Variants in PFKFB4 observed in about 807,000 individuals in gnomAD.
PFKFB4 encodes the protein 6-phosphofructo-2-kinase/fructose-2,6-biphosphatase 4.
Under a neutral mutation model 62.8 loss-of-function variants are expected in PFKFB4, and 42 were observed. The ratio of observed to expected loss-of-function variants is 0.67; its 90% CI spans 0.52 to 0.86. The LOEUF is 0.86. Among genes scored for constraint, PFKFB4 ranks in the 40% least tolerant of loss-of-function variants. The probability of loss-of-function intolerance (pLI) is 0.00; values close to 1 mark genes in which losing one functional copy is unlikely to be tolerated. For synonymous variants in PFKFB4, 204 were observed against 240.7 expected, an observed-to-expected ratio of 0.85 and a Z score of 1.41; for missense variants, 475 against 627.2, an observed-to-expected ratio of 0.76 and a Z score of 2.59.
At chr3:48,539,128 A>G in intron 6 of PFKFB4, 126 bp downstream of exon 6, 1 of 761,156 alleles carries the variant, frequency 1.3e-6, no homozygotes, top group African/African-American at 1.7e-5. Flanking sequence ...TACCTGACCC[A>G]GCATTTGAAG....
intron 9 of PFKFB4, among the ~76,000 whole-genome samples, chr3:48,531,183 C>G (rs1003429434): frequency 6.6e-6 from 1 of 151,854 alleles, no homozygotes; most frequent in Non-Finnish European, 1.5e-5. Flanking sequence ...CTGGGCAACA[C>G]AGCAAGACCA....
intron 3 of PFKFB4, 118 bp from the exon 4 acceptor site, chr3:48,543,764 C>A: frequency 1.3e-6 from 1 of 757,282 alleles, no homozygotes; most frequent in South Asian, 1.5e-5. Context: ...AGGTCTCTTG[C>A]TCTCTTTTCA....
At chr3:48,530,434 A>G (rs1335287366) in intron 9 of PFKFB4, among the ~76,000 whole-genome samples, 1 of 152,200 alleles carries the variant, frequency 6.6e-6, no homozygotes, top group Non-Finnish European at 1.5e-5. Flanking sequence ...GTATATTTCA[A>G]TTATGTGCAT....
upstream of PFKFB4, chr3:48,556,874 T>C: frequency 6.8e-7 from 1 of 1,467,668 alleles, no homozygotes; most frequent in Non-Finnish European, 9.0e-7. The surrounding 1 kb of genome is among the most constrained non-coding windows in gnomAD (Gnocchi z 5.7). Context: ...CCGCCCCTCC[T>C]CAAGCCGCGA....
chr3:48,538,455 G>A (rs745802862), intron 7 of PFKFB4, 43 bp downstream of exon 7: 21 of 1,604,910 alleles, frequency 1.3e-5, no homozygotes, highest in Middle Eastern at 1.6e-4. Context: ...GACCCCTGCC[G>A]CCCACCATCA....
upstream of PFKFB4, chr3:48,559,751 G>T: frequency 2.5e-6 from 1 of 395,902 alleles, no homozygotes; most frequent in Non-Finnish European, 5.2e-6. Context: ...ACCCTGGTTG[G>T]CTCCCAGGGT....
chr3:48,538,580 T>C lies in PFKFB4; in HGVS notation c.550A>G (p.Ser184Gly). ...ATGAAGTCCTCCGTAGCCTCATCAC[T>C]GTCGCGGTTGACATAGTCAGGGCTG... ...LGSPDYVNRD[S>G]DEATEDFMRR... is the part of the protein sequence containing the mutation. Residue 184 changes from serine to glycine, a missense_variant, in exon 7 of 14, where the codon AGT becomes GGT. By Grantham distance (56) the Ser-to-Gly change is moderately conservative (BLOSUM62 0). Coordinates refer to ENST00000232375, the MANE Select transcript of PFKFB4 (RefSeq NM_004567.4). The C allele has an allele frequency of 6.2e-7, 1 of 1,614,200 alleles. No homozygotes were observed. Among genetic ancestry groups the C allele is most frequent in the Non-Finnish European group, 8.5e-7 (1 of 1,180,036 alleles).
intron 4 of PFKFB4, among the ~76,000 whole-genome samples, chr3:48,541,376 G>A (rs544076853): frequency 1.3e-5 from 2 of 152,076 alleles, no homozygotes; most frequent in Admixed American, 6.5e-5. Flanking sequence ...TGATCCACCC[G>A]CCTCAGCCTC....
At chr3:48,558,094 A>G (rs1474899537), upstream of PFKFB4, among the ~76,000 whole-genome samples, 1 of 152,204 alleles carries the variant, frequency 6.6e-6, no homozygotes, top group Non-Finnish European at 1.5e-5. Context: ...AATTCATTTT[A>G]AAATACGTTA....
At chr3:48,562,051 C>T (rs2043439674), upstream of PFKFB4, 1 of 152,382 alleles carries the variant, frequency 6.6e-6, no homozygotes, top group East Asian at 1.9e-4. The surrounding 1 kb of genome is among the most constrained non-coding windows in gnomAD (Gnocchi z 4.3). Flanking sequence ...GACAAGCACC[C>T]ACTCCTCTCA....
At chr3:48,528,470 T>C (rs2042332697) in intron 9 of PFKFB4, among the ~76,000 whole-genome samples, 1 of 152,174 alleles carries the variant, frequency 6.6e-6, no homozygotes, top group Admixed American at 6.6e-5. Context: ...GAGACCAGCC[T>C]GGGCAACATG....
upstream of PFKFB4, among the ~76,000 whole-genome samples, chr3:48,560,803 C>T (rs757906349): frequency 2.0e-4 from 30 of 152,206 alleles, no homozygotes; most frequent in Non-Finnish European, 3.4e-4. Context: ...GCCTGGGCAG[C>T]GCCAGCTGGC....
upstream of PFKFB4, among the ~76,000 whole-genome samples, chr3:48,557,407 G>T (rs1017748426): frequency 1.3e-5 from 2 of 152,144 alleles, no homozygotes; most frequent in Non-Finnish European, 2.9e-5. Context: ...CCGAGCCCCG[G>T]GACTCTTCCG....
chr3:48,536,224 C>T, intron 8 of PFKFB4, 32 bp downstream of exon 8: 3 of 1,588,118 alleles, frequency 1.9e-6, no homozygotes, highest in Non-Finnish European at 2.6e-6. Flanking sequence ...AAATGCAGGC[C>T]CGTGTGCGCA....
Position 48,538,529 on chromosome 3 carries a change from A to G in PFKFB4, c.601T>C (p.Ser201Pro). ...AGGTCCTCATCTAGCGACTCGTAGG[A>G]GTTCTCATAGCACTCAATGCGCCTC... The part of the protein sequence containing the change: ...FMRRIECYEN[S>P]YESLDEDLDR... Residue 201 changes from serine to proline, a missense_variant, in exon 7 of 14, where the codon TCC (serine) becomes CCC (proline). Ser to Pro is a moderately conservative substitution (Grantham distance 74). Transcript: ENST00000232375. 2 of 1,614,084 alleles carry G rather than the reference A, an allele frequency of 1.2e-6. No individual in the cohort carries two copies. The highest frequency in any genetic ancestry group is 1.7e-6 in the Non-Finnish European group (2 of 1,180,012).
In PFKFB4 at chr3:48,519,093, C is replaced by T. The variant is rs577075863; in HGVS notation, c.*654G>A. ...CCCCTGCCCTCACGTTTCTGTGCATCCCAATGTGCTGAAGCAAGCGCATTG... is the reference window on the plus strand; with the variant it reads ...CCCCTGCCCTCACGTTTCTGTGCATTCCAATGTGCTGAAGCAAGCGCATTG... On this transcript the variant is annotated 3_prime_UTR_variant, in exon 14 of 14. Coordinates refer to ENST00000232375, the MANE Select transcript of PFKFB4 (RefSeq NM_004567.4). 3.3e-5 allele frequency: 5 copies of T among 152,384 alleles called. No individual in the cohort carries two copies. The highest frequency in any genetic ancestry group is 2.1e-4 in the South Asian group (1 of 4,832). The allele number at this position is 152,384 out of a possible 1,614,324, so 9.4% of individuals were successfully genotyped here.
intron 1 of PFKFB4, among the ~76,000 whole-genome samples, chr3:48,551,655 G>A (rs568411440): frequency 4.0e-4 from 54 of 134,572 alleles, no homozygotes; most frequent in African/African-American, 1.3e-3. Context: ...AGCAATTCTC[G>A]TGCCTCAGCC....
intron 9 of PFKFB4, among the ~76,000 whole-genome samples, chr3:48,531,026 A>G (rs990003189): frequency 7.2e-5 from 11 of 152,140 alleles, no homozygotes; most frequent in African/African-American, 2.4e-4. Flanking sequence ...TATTCTAAAG[A>G]AAATGATACA....
In PFKFB4 at chr3:48,539,820, G is replaced by A. The variant is rs760537770; in HGVS notation, c.379-49C>T. On this transcript the variant is annotated intron_variant, in intron 4 of 13. Coordinates refer to ENST00000232375, the MANE Select transcript of PFKFB4 (RefSeq NM_004567.4). ...CAGCCTCTGGCCCTGGGGAAGGAAG[G>A]GGCCAGAGTGGGCCCTGAAGTGGGC... The A allele has an allele frequency of 5.5e-6, 8 of 1,450,340 alleles. No homozygotes were observed. In the East Asian group the frequency reaches 6.8e-5, roughly 12 times the overall value. The allele number at this position is 1,450,340 out of a possible 1,614,324, so 89.8% of individuals were successfully genotyped here.
Sources: allele counts gnomAD v4.1 joint callset (sites outside exome capture counted in the v4.1 genomes callset), GRCh38; gene constraint gnomAD v4.1.1; non-coding constraint Gnocchi (gnomAD v3.1); transcripts MANE v1.5; gene names NCBI Gene and HGNC (gene_info 2026-07-23, HGNC 2026-07-21).